The following PTPN3 variants were observed in gnomAD, a reference collection of about 807,000 sequenced individuals.
PTPN3 encodes the protein protein tyrosine phosphatase non-receptor type 3, also known as tyrosine-protein phosphatase non-receptor type 3.
A neutral mutation model predicts 132.7 loss-of-function variants in PTPN3; 96 were observed. The observed-to-expected ratio is 0.72, with a 90% CI of 0.61 to 0.86. PTPN3 has a LOEUF of 0.86. Among genes scored for constraint, PTPN3 ranks in the 40% least tolerant of loss-of-function variants. The pLI, the probability that PTPN3 is intolerant of heterozygous loss-of-function variation, is 0.00. For missense variants in PTPN3, 1,125 were observed against 1,159.6 expected, an observed-to-expected ratio of 0.97 and a Z score of 0.43; for synonymous variants, 398 against 429.0, an observed-to-expected ratio of 0.93 and a Z score of 0.89.
At chr9:109,395,187 G>C (rs140925688) in intron 19 of PTPN3, among the ~76,000 whole-genome samples, 1 of 151,034 alleles carries the variant, frequency 6.6e-6, no homozygotes, top group Admixed American at 6.6e-5. Flanking sequence ...GAAGGGGATA[G>C]GAGTCAGGAG....
chr9:109,432,605 C>T (rs1032996740), intron 10 of PTPN3, among the ~76,000 whole-genome samples: 1 of 152,194 alleles, frequency 6.6e-6, no homozygotes, highest in African/African-American at 2.4e-5. Context: ...CAGGTCTCTT[C>T]CCACCAGGCC....
At chr9:109,517,351 A>G in the PTPN3 span, among the ~76,000 whole-genome samples, 1 of 152,192 alleles carries the variant, frequency 6.6e-6, no homozygotes, top group South Asian at 2.1e-4. Context: ...GGCCTGGGGA[A>G]CCAACATCAT....
intron 1 of PTPN3, among the ~76,000 whole-genome samples, chr9:109,474,020 C>T (rs1230101357): frequency 6.6e-6 from 1 of 151,926 alleles, no homozygotes; most frequent in Admixed American, 6.6e-5. Context: ...TTCTCGGTAC[C>T]CATGTGGATG....
chr9:109,491,674 G>A (rs1256554302), intron 1 of PTPN3, among the ~76,000 whole-genome samples: 1 of 152,198 alleles, frequency 6.6e-6, no homozygotes, highest in Non-Finnish European at 1.5e-5. Flanking sequence ...GAGAGATCTG[G>A]TGGCATGAAC....
chr9:109,391,703 T>C, intron 19 of PTPN3, 142 bp from the exon 20 acceptor site: 1 of 629,940 alleles, frequency 1.6e-6, no homozygotes, highest in Non-Finnish European at 2.6e-6. Flanking sequence ...ATCTTCCCAA[T>C]AAGAAATTCT....
rs1440423724 is a variant in PTPN3, at chr9:109,377,782, C to T, written c.*1774G>A. ...TCAATCCTCATGTTCCAACTAAAGT[C>T]CTAAGTATTGTTTCTATTTTACAGA... On this transcript the variant is annotated 3_prime_UTR_variant, in exon 26 of 26. Coordinates refer to ENST00000374541, the MANE Select transcript of PTPN3 (RefSeq NM_002829.4). The T allele has an allele frequency of 6.6e-6, 1 of 152,144 alleles. No homozygotes were observed. Among genetic ancestry groups the T allele is most frequent in the Non-Finnish European group, 1.5e-5 (1 of 68,028 alleles). The allele number at this position is 152,144 out of a possible 1,614,324, so 9.4% of individuals were successfully genotyped here.
intron 19 of PTPN3, 64 bp downstream of exon 19, chr9:109,404,384 C>T: frequency 8.3e-7 from 1 of 1,207,184 alleles, no homozygotes. Context: ...TCCTCCACTG[C>T]TCAGAGGCAG....
At chr9:109,388,084 C>T (rs1287472755) in intron 22 of PTPN3, among the ~76,000 whole-genome samples, 2 of 152,116 alleles carry the variant, frequency 1.3e-5, no homozygotes, top group Admixed American at 6.5e-5. Flanking sequence ...GGGAGTCCCA[C>T]TCTACTAAAT....
the PTPN3 span, chr9:109,532,951 T>A: frequency 3.9e-6 from 1 of 253,480 alleles, no homozygotes; most frequent in Non-Finnish European, 5.6e-6. Context: ...TGGGTTTTTT[T>A]TTTTTTTTTT....
intron 1 of PTPN3, among the ~76,000 whole-genome samples, chr9:109,476,361 T>C (rs1023872721): frequency 9.3e-5 from 14 of 151,084 alleles, no homozygotes; most frequent in Non-Finnish European, 1.8e-4. Flanking sequence ...AATAACAAGT[T>C]GTAAACCTTA....
At chr9:109,457,530 G>C in intron 2 of PTPN3, 131 bp from the exon 3 acceptor site, 1 of 715,636 alleles carries the variant, frequency 1.4e-6, no homozygotes, top group East Asian at 2.7e-5. Flanking sequence ...CACAAGAAAA[G>C]CTTTAATAAA....
At chr9:109,422,651 T>G in intron 13 of PTPN3, 67 bp downstream of exon 13, 3 of 1,476,364 alleles carry the variant, frequency 2.0e-6, no homozygotes, top group Non-Finnish European at 2.7e-6. Context: ...AAGTTGAGTT[T>G]TTATTTTTAA....
chr9:109,444,632 CCT>C (rs1844727967), intron 7 of PTPN3, among the ~76,000 whole-genome samples: 1 of 152,100 alleles, frequency 6.6e-6, no homozygotes. Context: ...TAAAAAACCT[CCT>C]GTTTCGTTTT....
At chr9:109,415,837 A>C (rs2131809738) in intron 14 of PTPN3, among the ~76,000 whole-genome samples, 1 of 152,320 alleles carries the variant, frequency 6.6e-6, no homozygotes, top group Middle Eastern at 3.4e-3. Context: ...AGACACAGGA[A>C]CAGCCATGGG....
the PTPN3 span, among the ~76,000 whole-genome samples, chr9:109,534,632 C>CAAAAAAAAAAAAAAAAAAAAA: frequency 9.2e-5 from 10 of 108,700 alleles, no homozygotes; most frequent in South Asian, 3.7e-4. Flanking sequence ...CAAAAAAATA[C>CAAAAAAAAAAAAAAAAAAAAA]AAAAAAAAAA....
At chr9:109,460,479 G>A (rs149263673) in intron 2 of PTPN3, among the ~76,000 whole-genome samples, 29 of 152,088 alleles carry the variant, frequency 1.9e-4, no homozygotes, top group East Asian at 3.9e-4. Context: ...GGCTCCATGC[G>A]ATCCCCCACC....
chr9:109,391,883 G>GGC (rs398046789), intron 19 of PTPN3, among the ~76,000 whole-genome samples: 1 of 57,386 alleles, frequency 1.7e-5, no homozygotes, highest in Admixed American at 2.3e-4. Flanking sequence ...GGGGGGGGGG[G>GGC]AAGAATTCTG....
At position 109,444,469 on chromosome 9, in the gene PTPN3, G is replaced by A. The variant is rs573559965; in HGVS notation, c.466+771C>T. Among the ~76,000 whole-genome samples, 36 of 152,258 alleles carry A rather than the reference G, an allele frequency of 2.4e-4. No homozygotes were observed. In the East Asian group the frequency reaches 3.9e-3, roughly 16 times the overall value. On this transcript the variant is annotated intron_variant, in intron 7 of 25. Transcript: ENST00000374541. ...ATCCAATATGGTAGCCACTAGCGAC[G>A]TGCGGTTAGTCCAAATTGAGATGTA...
intron 1 of PTPN3, among the ~76,000 whole-genome samples, chr9:109,491,606 T>C (rs930815143): frequency 1.3e-5 from 2 of 152,214 alleles, no homozygotes; most frequent in African/African-American, 4.8e-5. Context: ...CAGGTACTAA[T>C]ACAAATAATT....
Sources: gnomAD v4.1 joint callset for allele counts (sites outside exome capture counted in the v4.1 genomes callset) on GRCh38, gnomAD v4.1.1 for gene constraint, MANE v1.5 for transcripts, NCBI Gene and HGNC (gene_info 2026-07-23, HGNC 2026-07-21) for gene names.